The following CAPN11 variants were observed in gnomAD, a reference collection of about 807,000 sequenced individuals.
The protein encoded by CAPN11 is calpain 11.
In CAPN11, 108 loss-of-function variants were observed where a neutral mutation model predicts 105.3. That is an observed-to-expected ratio of 1.03 (90% CI 0.88 to 1.20). The LOEUF (loss-of-function observed/expected upper bound fraction) is 1.20. Among genes scored for constraint, CAPN11 ranks in the 50% most tolerant of loss-of-function variants. The pLI is 0.00. For synonymous variants in CAPN11, 329 were observed against 344.5 expected (o/e 0.96, Z 0.50); for missense variants, 883 against 924.8 (o/e 0.95, Z 0.59).
chr6:44,175,569 A>T (rs934716098), intron 7 of CAPN11, among the ~76,000 whole-genome samples: 3 of 152,172 alleles, frequency 2.0e-5, no homozygotes, highest in Non-Finnish European at 4.4e-5. Context: ...TGAGGTCAGG[A>T]GTTCAAGACC....
intron 12 of CAPN11, among the ~76,000 whole-genome samples, chr6:44,179,206 C>G (rs1037187151): frequency 6.6e-6 from 1 of 152,144 alleles, no homozygotes; most frequent in Non-Finnish European, 1.5e-5. Flanking sequence ...TTGGACAAAT[C>G]ACCTCACATC....
At chr6:44,161,587 C>T (rs922293672) in intron 1 of CAPN11, among the ~76,000 whole-genome samples, 2 of 152,166 alleles carry the variant, frequency 1.3e-5, no homozygotes, top group Non-Finnish European at 2.9e-5. Flanking sequence ...ACCTCACACC[C>T]TGGGGACTGG....
rs978581689 is a variant in CAPN11 at position 44,163,529 on chromosome 6, C to T, written c.17-3229C>T. Reference sequence around the variant, plus strand: ...AGCCTGCCCTGACTCTAATGCCCACCGAGTCTGAGGAATTTCAGCCTCTCT... The same window carrying T: ...AGCCTGCCCTGACTCTAATGCCCACTGAGTCTGAGGAATTTCAGCCTCTCT... On this transcript the variant is annotated intron_variant, in intron 1 of 22. Coordinates refer to ENST00000398776, the MANE Select transcript of CAPN11 (RefSeq NM_007058.4). 9.2e-5 allele frequency among the ~76,000 whole-genome samples: 14 copies of T among 152,234 alleles called. No homozygotes were observed. The South Asian group carries it at 2.9e-3, about 32-fold the overall frequency.
intron 1 of CAPN11, among the ~76,000 whole-genome samples, chr6:44,163,692 GCTAA>G (rs1769316887): frequency 6.6e-6 from 1 of 152,158 alleles, no homozygotes; most frequent in South Asian, 2.1e-4. Context: ...CTCAAACGCT[GCTAA>G]CTATTATTAT....
intron 1 of CAPN11, among the ~76,000 whole-genome samples, chr6:44,162,157 G>C (rs9472220): frequency 0.17 from 26,117 of 151,770 alleles, 4,053 homozygotes; most frequent in African/African-American, 0.41. Context: ...CAATCTCTCT[G>C]TGGAGGCCCT....
chr6:44,169,120 G>C, intron 2 of CAPN11, 161 bp from the exon 3 acceptor site: 1 of 824,718 alleles, frequency 1.2e-6, no homozygotes, highest in Non-Finnish European at 2.0e-6. Flanking sequence ...TTTTTGTCGA[G>C]ATGAGATCTC....
rs76114068 is a variant in CAPN11 at position 44,169,575 on chromosome 6, C to T, written c.339+44C>T. Reference sequence around the variant, plus strand: ...GCATGGACTCATGGATGGAAGGGAGCTTGTAGTGATCCCTCTATCACTTTT... The same window carrying T: ...GCATGGACTCATGGATGGAAGGGAGTTTGTAGTGATCCCTCTATCACTTTT... On this transcript the variant is annotated intron_variant, in intron 3 of 22. Coordinates refer to ENST00000398776, the MANE Select transcript of CAPN11 (RefSeq NM_007058.4). 2,818 of 1,488,830 alleles carry T rather than the reference C, an allele frequency of 1.9e-3. 52 individuals are homozygous for T. In the African/African-American group the frequency reaches 0.035, roughly 18 times the overall value. The allele number at this position is 1,488,830 out of a possible 1,614,324, so 92.2% of individuals were successfully genotyped here. A position where few individuals can be genotyped will look rare whatever the true frequency, so the allele number is the denominator to read the frequency against.
chr6:44,159,806 A>G (rs995384036), intron 1 of CAPN11, among the ~76,000 whole-genome samples: 9 of 151,990 alleles, frequency 5.9e-5, no homozygotes, highest in Admixed American at 3.9e-4. Context: ...CCTTAAATCT[A>G]TAGTCCCCTA....
intron 11 of CAPN11, 25 bp downstream of exon 11, chr6:44,177,023 G>A (rs778768266): frequency 1.0e-5 from 16 of 1,607,012 alleles, no homozygotes; most frequent in South Asian, 5.5e-5. Flanking sequence ...AGAGGGGAGG[G>A]GGTGTGCAGG....
intron 1 of CAPN11, among the ~76,000 whole-genome samples, chr6:44,165,169 G>A (rs931469341): frequency 3.9e-5 from 6 of 152,324 alleles, no homozygotes; most frequent in African/African-American, 1.4e-4. Flanking sequence ...GATTACAGAG[G>A]TGAGCCACCA....
Position 44,176,904 on chromosome 6 carries a change from A to G in CAPN11, c.1143A>G (p.Thr381=), listed in dbSNP as rs918963765. 2 of 1,613,430 alleles carry G rather than the reference A, an allele frequency of 1.2e-6. No homozygotes were observed. The highest frequency in any genetic ancestry group is 2.7e-5 in the African/African-American group (2 of 74,774). The change falls in exon 11 of 23, where the codon ACA becomes ACG. Residue 381 remains threonine, a synonymous_variant. Transcript: ENST00000398776. The stretch of plus-strand genomic sequence containing the variant: ...AGATCTGCAACCTCACGCCTGATAC[A>G]CTCTCTGGGGACTACAAGAGCTACT... ...LLEICNLTPD[T]LSGDYKSYWH...
At position 44,180,468 on chromosome 6, in the gene CAPN11, A is replaced by T; in HGVS notation, c.1649A>T (p.Asp550Val). 1 of 1,613,340 alleles carries T rather than the reference A, an allele frequency of 6.2e-7. No homozygotes were observed. The highest frequency in any genetic ancestry group is 1.1e-5 in the South Asian group (1 of 91,036). The change falls in exon 15 of 23, where the codon GAT becomes GTT. Residue 550 changes from aspartate to valine, a missense_variant. Transcript: ENST00000398776. ...TCAATCATTTTGCCCAGGGAATTGG[A>T]TGAAGTCAACTATGCTGAGCAACTC... The part of the protein sequence containing the change: ...TEKHSESWEL[D>V]EVNYAEQLQE...
Position 44,177,081 on chromosome 6 carries a change from G to C in CAPN11, c.1237+83G>C, listed in dbSNP as rs796976095. On this transcript the variant is annotated intron_variant, in intron 11 of 22. Transcript: ENST00000398776. ...CACCACGAAACCAGACCTGGGGCAC[G>C]AGTCACCGGAGTCAGGGTCCATGAG... is the stretch of plus-strand genomic sequence containing the variant. 4 of 1,511,314 alleles carry C rather than the reference G, an allele frequency of 2.6e-6. No individual in the cohort carries two copies. In the African/African-American group the frequency reaches 5.5e-5, roughly 21 times the overall value. 93.6% of individuals were successfully genotyped at this position (1,511,314 alleles called of 1,614,324 possible).
Position 44,173,309 on chromosome 6 carries a change from C to T in CAPN11, c.754C>T (p.Gln252Ter), listed in dbSNP as rs1159548765. The change falls in exon 7 of 23, where the codon CAG becomes TAG. Residue 252 changes from glutamine to a stop codon, truncating the protein, a stop_gained. Coordinates refer to ENST00000398776, the MANE Select transcript of CAPN11 (RefSeq NM_007058.4). LOFTEE classifies it high-confidence loss of function. ...AGGCGTGGCCCAGAGCTTCCAACTC[C>T]AGAGGCCCCCTCAGAACCTGCTCAG... is the stretch of plus-strand genomic sequence containing the variant. ...TGGVAQSFQL[Q>*]RPPQNLLRLL... 4.3e-6 allele frequency: 7 copies of T among 1,613,950 alleles called. No individual in the cohort carries two copies. The highest frequency in any genetic ancestry group is 5.9e-6 in the Non-Finnish European group (7 of 1,179,874).
chr6:44,176,178 C>T (rs1771965446), intron 8 of CAPN11, 27 bp downstream of exon 8: 1 of 1,403,794 alleles, frequency 7.1e-7, no homozygotes, highest in Non-Finnish European at 9.7e-7. Flanking sequence ...GCGCCCTACC[C>T]TGAGGACCCT....
At chr6:44,183,315 T>TTG in intron 21 of CAPN11, 80 bp downstream of exon 21, 1 of 859,658 alleles carries the variant, frequency 1.2e-6, no homozygotes, top group Non-Finnish European at 2.0e-6. Flanking sequence ...TGATGGGTGC[T>TTG]GCTCCAGATC....
intron 1 of CAPN11, among the ~76,000 whole-genome samples, chr6:44,159,133 G>GGAA (rs1398521905): frequency 6.6e-6 from 1 of 151,978 alleles, no homozygotes; most frequent in Non-Finnish European, 1.5e-5. Context: ...AGGCCGGGCA[G>GGAA]GAACTCTTTC....
chr6:44,183,067 G>A (rs1231220404), intron 20 of CAPN11, 48 bp downstream of exon 20: 2 of 1,590,868 alleles, frequency 1.3e-6, no homozygotes, highest in South Asian at 1.1e-5. Flanking sequence ...GAGGATGGCA[G>A]TGTCCAGAGG....
intron 1 of CAPN11, among the ~76,000 whole-genome samples, chr6:44,166,209 G>A (rs1271301015): frequency 6.6e-6 from 1 of 152,158 alleles, no homozygotes; most frequent in Non-Finnish European, 1.5e-5. Context: ...ATCATCTGTC[G>A]ATGCCTTTGT....
Sources: allele counts gnomAD v4.1 joint callset (sites outside exome capture counted in the v4.1 genomes callset), GRCh38; gene constraint gnomAD v4.1.1; transcripts MANE v1.5; gene names NCBI Gene and HGNC (gene_info 2026-07-23, HGNC 2026-07-21).